Variants in ARHGAP28 observed in about 807,000 individuals in gnomAD.
ARHGAP28 encodes Rho GTPase activating protein 28, also known as rho GTPase-activating protein 28.
Under a neutral mutation model 90.7 loss-of-function variants are expected in ARHGAP28, and 56 were observed. The ratio of observed to expected loss-of-function variants is 0.62; its 90% CI spans 0.50 to 0.77. The LOEUF is 0.77. Among genes scored for constraint, ARHGAP28 ranks in the 30% least tolerant of loss-of-function variants. The probability of loss-of-function intolerance (pLI) is 0.00; values close to 1 mark genes in which losing one functional copy is unlikely to be tolerated. For missense variants in ARHGAP28, 869 were observed against 900.9 expected (o/e 0.96, Z 0.45); for synonymous variants, 308 against 323.3 (o/e 0.95, Z 0.51).
intron 1 of ARHGAP28, among the ~76,000 whole-genome samples, chr18:6,744,142 G>C (rs542541501): frequency 6.6e-6 from 1 of 152,164 alleles, no homozygotes; most frequent in Non-Finnish European, 1.5e-5. Flanking sequence ...TGGAGGAGTC[G>C]ATAGCTCAAT....
chr18:6,774,809 C>T (rs932744048), intron 1 of ARHGAP28, among the ~76,000 whole-genome samples: 13 of 152,200 alleles, frequency 8.5e-5, no homozygotes, highest in African/African-American at 3.1e-4. Context: ...TGGTCCTACA[C>T]CTATGGTGGG....
At chr18:6,818,240 A>G (rs889944496) in intron 1 of ARHGAP28, among the ~76,000 whole-genome samples, 1 of 152,192 alleles carries the variant, frequency 6.6e-6, no homozygotes, top group Non-Finnish European at 1.5e-5. Context: ...CTGGCTTCAG[A>G]GTTTTTGTCT....
intron 7 of ARHGAP28, 82 bp downstream of exon 7, chr18:6,870,814 T>C (rs2057078410): frequency 6.9e-7 from 1 of 1,449,174 alleles, no homozygotes; most frequent in African/African-American, 1.4e-5. Context: ...TCTTTTTTTT[T>C]TTTGAGACGG....
At chr18:6,866,678 CTCAAA>C (rs2057040459) in intron 5 of ARHGAP28, among the ~76,000 whole-genome samples, 1 of 152,140 alleles carries the variant, frequency 6.6e-6, no homozygotes, top group Non-Finnish European at 1.5e-5. Context: ...GGGATTATGA[CTCAAA>C]TTTCTGCTTC....
Position 6,870,743 on chromosome 18 carries a change from C to T in ARHGAP28, c.954+11C>T. ...GACTATGTTTTAACTGTAAGCAAAA[C>T]CTTTCATGATTATTCCAGGAACTTC... is the stretch of plus-strand genomic sequence containing the variant. On this transcript the variant is annotated intron_variant, in intron 7 of 17. Transcript: ENST00000383472. 1 of 1,585,538 alleles carries T rather than the reference C, an allele frequency of 6.3e-7. No homozygotes were observed. The highest frequency in any genetic ancestry group is 8.5e-7 in the Non-Finnish European group (1 of 1,171,758).
At chr18:6,784,131 C>T (rs529022999) in intron 1 of ARHGAP28, among the ~76,000 whole-genome samples, 10 of 152,154 alleles carry the variant, frequency 6.6e-5, no homozygotes, top group South Asian at 2.1e-4. Flanking sequence ...TTGGAGATCC[C>T]GGGAGCCCAG....
chr18:6,823,635 T>C (rs1341999377), intron 1 of ARHGAP28, among the ~76,000 whole-genome samples: 1 of 151,780 alleles, frequency 6.6e-6, no homozygotes, highest in Non-Finnish European at 1.5e-5. Context: ...TTAAGAACAT[T>C]TTATTTAGGG....
intron 1 of ARHGAP28, chr18:6,788,876 A>G (rs955634333): frequency 6.6e-6 from 1 of 152,176 alleles, no homozygotes; most frequent in Non-Finnish European, 1.5e-5. Context: ...TCCTGTGGCC[A>G]CCTCTGTCTT....
chr18:6,826,117 GT>G (rs35995654), intron 2 of ARHGAP28, among the ~76,000 whole-genome samples: 7,380 of 138,462 alleles, frequency 0.053, 179 homozygotes, highest in Middle Eastern at 0.066. Flanking sequence ...CATTGCCAGT[GT>G]TTTTTTTTTT....
At chr18:6,820,561 C>T (rs1206894308) in intron 1 of ARHGAP28, among the ~76,000 whole-genome samples, 3 of 152,062 alleles carry the variant, frequency 2.0e-5, no homozygotes, top group African/African-American at 7.3e-5. Context: ...CAGATTGAAG[C>T]TCAGTAAACC....
chr18:6,912,232 T>C lies in ARHGAP28; in HGVS notation c.*78T>C. 1.3e-6 allele frequency: 1 copy of C among 786,144 alleles called. No homozygotes were observed. The highest frequency in any genetic ancestry group is 2.0e-6 in the Non-Finnish European group (1 of 493,382). The allele number at this position is 786,144 out of a possible 1,614,324, so 48.7% of individuals were successfully genotyped here. A position where few individuals can be genotyped will look rare whatever the true frequency, so the allele number is the denominator to read the frequency against. On this transcript the variant is annotated 3_prime_UTR_variant, in exon 18 of 18. Coordinates refer to ENST00000383472, the MANE Select transcript of ARHGAP28 (RefSeq NM_001366230.1). ...TTTTGGTAGGGAAAAAACAACACTG[T>C]GTTTGACGTATTTGTTCCTACAGCA...
intron 1 of ARHGAP28, among the ~76,000 whole-genome samples, chr18:6,750,625 T>C (rs2056061369): frequency 6.6e-6 from 1 of 152,254 alleles, no homozygotes; most frequent in Admixed American, 6.5e-5. Flanking sequence ...CCAGGGCCTT[T>C]GTGCTGTGTC....
At chr18:6,766,887 T>C (rs1220570394) in intron 1 of ARHGAP28, among the ~76,000 whole-genome samples, 3 of 152,206 alleles carry the variant, frequency 2.0e-5, no homozygotes, top group Non-Finnish European at 4.4e-5. Context: ...AACTTTCTTA[T>C]GATTAACGCT....
At chr18:6,850,537 G>A (rs1003414610) in intron 3 of ARHGAP28, among the ~76,000 whole-genome samples, 5 of 152,176 alleles carry the variant, frequency 3.3e-5, no homozygotes, top group African/African-American at 1.2e-4. Flanking sequence ...CTTAGTGTAT[G>A]GGCCAATTGT....
At chr18:6,901,034 A>G (rs1224698524) in intron 16 of ARHGAP28, among the ~76,000 whole-genome samples, 1 of 152,222 alleles carries the variant, frequency 6.6e-6, no homozygotes, top group Non-Finnish European at 1.5e-5. Context: ...TGAATTCTAT[A>G]TTCAGCAAAA....
At chr18:6,784,400 G>A (rs942159100) in intron 1 of ARHGAP28, among the ~76,000 whole-genome samples, 8 of 152,114 alleles carry the variant, frequency 5.3e-5, no homozygotes, top group South Asian at 2.1e-4. Flanking sequence ...GGGTTTACGC[G>A]TTCTGAATGT....
intron 11 of ARHGAP28, among the ~76,000 whole-genome samples, chr18:6,883,918 T>C (rs2057199387): frequency 6.6e-6 from 1 of 152,196 alleles, no homozygotes; most frequent in African/African-American, 2.4e-5. Context: ...CTAATTTCCT[T>C]CATTCATTTT....
chr18:6,880,433 T>C (rs1168258654), intron 10 of ARHGAP28, among the ~76,000 whole-genome samples: 2 of 152,132 alleles, frequency 1.3e-5, no homozygotes, highest in Non-Finnish European at 2.9e-5. Context: ...CCACCCGACC[T>C]ATGCCAAGCT....
chr18:6,786,005 A>G (rs1434914147), intron 1 of ARHGAP28, among the ~76,000 whole-genome samples: 2 of 152,230 alleles, frequency 1.3e-5, no homozygotes, highest in Admixed American at 1.3e-4. Context: ...GGTTGACATT[A>G]AACATTTTTT....
Sources: allele counts gnomAD v4.1 joint callset (sites outside exome capture counted in the v4.1 genomes callset), GRCh38; gene constraint gnomAD v4.1.1; transcripts MANE v1.5; gene names NCBI Gene and HGNC (gene_info 2026-07-23, HGNC 2026-07-21).